The following ANKRD30A variants were observed in gnomAD, a reference collection of about 807,000 sequenced individuals.
ANKRD30A encodes ankyrin repeat domain-containing protein 30A.
A neutral mutation model predicts 166.3 loss-of-function variants in ANKRD30A; 170 were observed. The observed-to-expected ratio is 1.02, with a 90% CI of 0.90 to 1.16. The LOEUF (loss-of-function observed/expected upper bound fraction) is 1.16. Among genes scored for constraint, ANKRD30A ranks in the 50% most tolerant of loss-of-function variants. The pLI is 0.00. For missense variants in ANKRD30A, 1,630 were observed against 1,518.0 expected (o/e 1.07, Z -1.23); for synonymous variants, 564 against 508.9 (o/e 1.11, Z -1.46).
rs540719248 is a variant in ANKRD30A, at chr10:37,159,851, T to C, written c.1900+1265T>C. Among the ~76,000 whole-genome samples, 16 of 152,204 alleles carry C rather than the reference T, an allele frequency of 1.1e-4. No individual in the cohort carries two copies. The East Asian group carries it at 1.5e-3, about 15-fold the overall frequency. ...CTGGGACTCCAGGCGCCTGCCACCA[T>C]GCCCGGCTAATGTTTTGTGTTTTTA... On this transcript the variant is annotated intron_variant, in intron 15 of 35. Coordinates refer to ENST00000361713, the MANE Select transcript of ANKRD30A (RefSeq NM_052997.3).
Position 37,219,681 on chromosome 10 carries a change from A to G in ANKRD30A, c.3969A>G (p.Leu1323=). The change falls in exon 34 of 36, where the codon TTA becomes TTG. Residue 1323 remains leucine, a synonymous_variant. Transcript: ENST00000361713. ...TEQQESLDQK[L]FQLQSKNMWL... ...AGCAGGAGTCTCTAGATCAGAAATT[A>G]TTTCAACTACAAAGCAAAAATATGT... The G allele has an allele frequency of 6.2e-7, 1 of 1,609,494 alleles. No homozygotes were observed. Among genetic ancestry groups the G allele is most frequent in the Non-Finnish European group, 8.5e-7 (1 of 1,177,214 alleles).
chr10:37,254,973 C>T, the ANKRD30A span, among the ~76,000 whole-genome samples: 1 of 152,010 alleles, frequency 6.6e-6, no homozygotes, highest in Admixed American at 6.5e-5. Flanking sequence ...TGAGCCACTG[C>T]GCCCGGCCCT....
chr10:37,143,608 C>T (rs185847841), intron 7 of ANKRD30A, among the ~76,000 whole-genome samples: 57 of 151,926 alleles, frequency 3.8e-4, no homozygotes, highest in Admixed American at 1.7e-3. Flanking sequence ...GAGCTGAGAT[C>T]GTACCACTAC....
At chr10:37,159,116 T>C (rs1426513610) in intron 15 of ANKRD30A, among the ~76,000 whole-genome samples, 1 of 152,206 alleles carries the variant, frequency 6.6e-6, no homozygotes, top group Non-Finnish European at 1.5e-5. Flanking sequence ...GAAGAGTGAC[T>C]ATAAAGCATT....
chr10:37,225,375 A>T (rs1159712355), intron 34 of ANKRD30A, among the ~76,000 whole-genome samples: 2 of 151,900 alleles, frequency 1.3e-5, no homozygotes, highest in African/African-American at 4.8e-5. Context: ...ATTTTGACTT[A>T]GTCATTGTGT....
At chr10:37,157,515 A>G (rs1200884) in intron 13 of ANKRD30A, among the ~76,000 whole-genome samples, 151,888 of 152,304 alleles carry the variant, frequency 1, 75,738 homozygotes, top group East Asian at 1. Flanking sequence ...ACAGGCATGT[A>G]CCACCATACC....
intron 24 of ANKRD30A, among the ~76,000 whole-genome samples, chr10:37,177,921 A>G (rs1839857204): frequency 6.7e-6 from 1 of 149,094 alleles, no homozygotes; most frequent in Admixed American, 6.7e-5. Context: ...GGCATTGGCA[A>G]CAGACTATAT....
intron 5 of ANKRD30A, 85 bp downstream of exon 5, chr10:37,134,138 C>G (rs1258717061): frequency 1.1e-5 from 16 of 1,504,602 alleles, no homozygotes; most frequent in Admixed American, 9.4e-5. Flanking sequence ...ACTTCATCAG[C>G]CAGAAACTAG....
At chr10:37,247,845 G>C in the ANKRD30A span, among the ~76,000 whole-genome samples, 2 of 146,130 alleles carry the variant, frequency 1.4e-5, no homozygotes, top group Non-Finnish European at 3.0e-5. Flanking sequence ...TCGTGCCACT[G>C]TACTCCAGCC....
intron 15 of ANKRD30A, among the ~76,000 whole-genome samples, chr10:37,160,092 C>T (rs1297419759): frequency 6.6e-6 from 1 of 152,178 alleles, no homozygotes; most frequent in Non-Finnish European, 1.5e-5. Flanking sequence ...GGACCCAATA[C>T]AATTAGCTCT....
intron 7 of ANKRD30A, among the ~76,000 whole-genome samples, chr10:37,144,368 G>A (rs1837357569): frequency 6.6e-6 from 1 of 152,132 alleles, no homozygotes; most frequent in Admixed American, 6.6e-5. Flanking sequence ...TGATTCTGAA[G>A]GTATTGTTGC....
At chr10:37,167,748 G>T (rs559301115) in intron 19 of ANKRD30A, among the ~76,000 whole-genome samples, 8 of 151,322 alleles carry the variant, frequency 5.3e-5, no homozygotes, top group Admixed American at 2.6e-4. Flanking sequence ...GAAAATCAAG[G>T]AATATTTATA....
intron 12 of ANKRD30A, among the ~76,000 whole-genome samples, chr10:37,153,098 G>A (rs963597916): frequency 6.6e-6 from 1 of 152,126 alleles, no homozygotes; most frequent in Non-Finnish European, 1.5e-5. Context: ...TTCTGTGACA[G>A]ACTCTAAAAG....
intron 29 of ANKRD30A, among the ~76,000 whole-genome samples, chr10:37,197,891 C>G (rs1433523102): frequency 2.0e-5 from 3 of 151,904 alleles, no homozygotes; most frequent in Non-Finnish European, 4.4e-5. Context: ...TACCTCGTTT[C>G]CAGTGTTGTC....
chr10:37,182,966 G>A (rs1437065212), intron 24 of ANKRD30A, among the ~76,000 whole-genome samples: 5 of 151,148 alleles, frequency 3.3e-5, no homozygotes, highest in Admixed American at 6.6e-5. Flanking sequence ...TTTGCTTATC[G>A]AATATTTTAG....
At chr10:37,201,185 A>C in intron 30 of ANKRD30A, 50 bp from the exon 31 acceptor site, 1 of 1,376,632 alleles carries the variant, frequency 7.3e-7, no homozygotes, top group Non-Finnish European at 9.8e-7. Context: ...GATAATCTTC[A>C]TTATTAGGAT....
rs565539582 is a variant in ANKRD30A at position 37,166,425 on chromosome 10, A to C, written c.2065-180A>C. Among the ~76,000 whole-genome samples the C allele has an allele frequency of 3.2e-3, 494 of 152,084 alleles. 1 individual carries two copies. The highest frequency in any genetic ancestry group is 0.012 in the African/African-American group (487 of 41,502). On this transcript the variant is annotated intron_variant, in intron 18 of 35. Coordinates refer to ENST00000361713, the MANE Select transcript of ANKRD30A (RefSeq NM_052997.3). ...ACGTAAAGATGAGCTTGATGTAGAG[A>C]GGGTTATGTGAGGTTTTCTATCAAA...
chr10:37,162,739 A>G lies in ANKRD30A; in HGVS notation c.1930-37A>G, dbSNP rs1454255744. 8 of 1,613,456 alleles carry G rather than the reference A, an allele frequency of 5.0e-6. No individual in the cohort carries two copies. In the Admixed American group the frequency reaches 5.0e-5, roughly 10 times the overall value. ...TATCTATGTATTTTGTGAAGTATAC[A>G]TTCTTTATTAATCATTTTGCTTCCA... is the stretch of plus-strand genomic sequence containing the variant. On this transcript the variant is annotated intron_variant, in intron 16 of 35. Transcript: ENST00000361713.
chr10:37,250,427 G>A, the ANKRD30A span, among the ~76,000 whole-genome samples: 1 of 152,050 alleles, frequency 6.6e-6, no homozygotes, highest in Non-Finnish European at 1.5e-5. Context: ...TGGGGATGGG[G>A]ATGCCTGAAC....
Sources: gnomAD v4.1 joint callset for allele counts (sites outside exome capture counted in the v4.1 genomes callset) on GRCh38, gnomAD v4.1.1 for gene constraint, MANE v1.5 for transcripts, NCBI Gene and HGNC (gene_info 2026-07-23, HGNC 2026-07-21) for gene names.